FAM240B: variants seen among roughly 807,000 people sequenced by gnomAD.
The protein encoded by FAM240B is protein FAM240B.
intron 1 of FAM240B, among the ~76,000 whole-genome samples, chr9:38,711,683 A>C (rs1419794717): frequency 1.4e-4 from 17 of 120,064 alleles, no homozygotes; most frequent in East Asian, 4.7e-4. Context: ...TTTTGACAGC[A>C]TCTCCCTCTG....
chr9:38,717,618 C>G (rs1267702522), intron 1 of FAM240B, among the ~76,000 whole-genome samples: 1 of 152,016 alleles, frequency 6.6e-6, no homozygotes, highest in African/African-American at 2.4e-5. Flanking sequence ...GTAGCTGGGA[C>G]TACAGGCGCC....
At position 38,694,681 on chromosome 9, in the gene FAM240B, T is replaced by C; in HGVS notation, c.*95A>G. 1 of 397,726 alleles carries C rather than the reference T, an allele frequency of 2.5e-6. No individual in the cohort carries two copies. Among genetic ancestry groups the C allele is most frequent in the Non-Finnish European group, 4.4e-6 (1 of 225,690 alleles). 24.6% of individuals were successfully genotyped at this position (397,726 alleles called of 1,614,324 possible). On this transcript the variant is annotated 3_prime_UTR_variant, in exon 3 of 3. Transcript: ENST00000637493. ...CAAATGGAAGCACAAATAGAGAGCG[T>C]CCTGTTTAGTAAATCAGCACAACTT...
chr9:38,702,476 A>G (rs62539028), intron 2 of FAM240B, among the ~76,000 whole-genome samples: 8,373 of 152,322 alleles, frequency 0.055, 319 homozygotes, highest in Non-Finnish European at 0.086. Flanking sequence ...ACCTGTGAGC[A>G]GACGTCCCAG....
chr9:38,708,341 A>G (rs2119008275), intron 1 of FAM240B, among the ~76,000 whole-genome samples: 1 of 152,250 alleles, frequency 6.6e-6, no homozygotes, highest in Middle Eastern at 3.4e-3. Context: ...GCACCCAAGC[A>G]TGCAGATACC....
rs1406658687 is a variant in FAM240B at position 38,703,941 on chromosome 9, T to C, written c.59A>G (p.Lys20Arg). The change falls in exon 2 of 3, where the codon AAA becomes AGA. Residue 20 changes from lysine to arginine, a missense_variant. Coordinates refer to ENST00000637493, the MANE Select transcript of FAM240B (RefSeq NM_001394922.1). ...VFCCGTCHEL[K>R]SFWEKEISKQ... ...GCTAATTTCTTTTTCCCAGAAGCTTTTGAGCTCATGACAAGTTCCACAGCA... is the reference window on the plus strand; with the variant it reads ...GCTAATTTCTTTTTCCCAGAAGCTTCTGAGCTCATGACAAGTTCCACAGCA... 5 of 400,468 alleles carry C rather than the reference T, an allele frequency of 1.2e-5. No homozygotes were observed. The highest frequency in any genetic ancestry group is 4.4e-5 in the Admixed American group (1 of 22,706). 24.8% of individuals were successfully genotyped at this position (400,468 alleles called of 1,614,324 possible).
At chr9:38,711,665 T>TCG (rs1281537781) in intron 1 of FAM240B, among the ~76,000 whole-genome samples, 236 of 147,370 alleles carry the variant, frequency 1.6e-3, no homozygotes, top group Non-Finnish European at 3.1e-3. Context: ...TCTTCTTTTT[T>TCG]TTTTTTTTTT....
intron 1 of FAM240B, among the ~76,000 whole-genome samples, chr9:38,707,215 GCTC>G (rs1400606008): frequency 1.3e-5 from 2 of 152,090 alleles, no homozygotes; most frequent in Non-Finnish European, 2.9e-5. Flanking sequence ...TCATTGAAAT[GCTC>G]TTCTTTTCTC....
intron 1 of FAM240B, among the ~76,000 whole-genome samples, chr9:38,716,732 G>C (rs1201948482): frequency 6.6e-6 from 1 of 152,158 alleles, no homozygotes; most frequent in Non-Finnish European, 1.5e-5. Flanking sequence ...TGGCTATTTG[G>C]CCTTCACTAA....
chr9:38,716,373 G>A (rs1348989554), intron 1 of FAM240B, among the ~76,000 whole-genome samples: 1 of 152,232 alleles, frequency 6.6e-6, no homozygotes, highest in Non-Finnish European at 1.5e-5. Flanking sequence ...TCGGGAGGCT[G>A]AGGCAGGAGA....
rs148037892 is a variant in FAM240B, at chr9:38,714,309, T to C, written c.-4+5713A>G. ...ACAGTAATAATTATTGCAGGCAGAA[T>C]CCATTGATCAGTGGTAAAAATGAGT... On this transcript the variant is annotated intron_variant, in intron 1 of 2. Transcript: ENST00000637493. 2.5e-3 allele frequency among the ~76,000 whole-genome samples: 380 copies of C among 152,310 alleles called. 1 individual carries two copies. The highest frequency in any genetic ancestry group is 8.8e-3 in the African/African-American group (367 of 41,566).
chr9:38,706,011 G>A (rs565479451), intron 1 of FAM240B, among the ~76,000 whole-genome samples: 1 of 152,294 alleles, frequency 6.6e-6, no homozygotes, highest in South Asian at 2.1e-4. Flanking sequence ...ATTTTCCTCA[G>A]TGCCAGCTGC....
intron 2 of FAM240B, among the ~76,000 whole-genome samples, chr9:38,702,962 C>T (rs1198458092): frequency 1.3e-5 from 2 of 152,134 alleles, no homozygotes; most frequent in African/African-American, 4.8e-5. Flanking sequence ...ATCTGTAAGT[C>T]ATTGGTTCTC....
intron 1 of FAM240B, 144 bp from the exon 2 acceptor site, chr9:38,704,146 CA>C: frequency 2.6e-6 from 1 of 391,494 alleles, no homozygotes; most frequent in Non-Finnish European, 4.5e-6. Flanking sequence ...ACACATCACA[CA>C]CTTGTATTCT....
intron 2 of FAM240B, among the ~76,000 whole-genome samples, chr9:38,699,736 C>T (rs62539020): frequency 0.055 from 8,386 of 152,300 alleles, 325 homozygotes; most frequent in Non-Finnish European, 0.086. Context: ...GCTCCCAAAG[C>T]AAATGATCCT....
rs1290341975 is a variant in FAM240B at position 38,717,693 on chromosome 9, A to G, written c.-4+2329T>C. Among the ~76,000 whole-genome samples the G allele has an allele frequency of 5.3e-5, 8 of 151,824 alleles. 1 individual carries two copies. In the East Asian group the frequency reaches 6.0e-4, roughly 11 times the overall value. On this transcript the variant is annotated intron_variant, in intron 1 of 2. Transcript: ENST00000637493. Reference sequence around the variant, plus strand: ...GAGACGGGGTTTCACCGTGTTAGCCAGGATGGTCTCAATATCCTGACCTCG... The same window carrying G: ...GAGACGGGGTTTCACCGTGTTAGCCGGGATGGTCTCAATATCCTGACCTCG...
In FAM240B at chr9:38,694,794, C is replaced by T. The variant is rs906267892; in HGVS notation, c.219G>A (p.Pro73=). The change falls in exon 3 of 3, where the codon CCG becomes CCA. Residue 73 remains proline (P), a synonymous_variant. Coordinates refer to ENST00000637493, the MANE Select transcript of FAM240B (RefSeq NM_001394922.1). ...MLDNPVEKEK[P]AHTAD The stretch of plus-strand genomic sequence containing the variant: ...GCAGAGCTCAGTCCGCGGTGTGTGC[C>T]GGCTTTTCCTTCTCAACAGGGTTGT... 3.3e-5 allele frequency: 13 copies of T among 398,442 alleles called. No homozygotes were observed. The highest frequency in any genetic ancestry group is 4.4e-5 in the Admixed American group (1 of 22,714). 24.7% of individuals were successfully genotyped at this position (398,442 alleles called of 1,614,324 possible). A position where few individuals can be genotyped will look rare whatever the true frequency, so the allele number is the denominator to read the frequency against.
chr9:38,707,399 GCA>G (rs1821202502), intron 1 of FAM240B, among the ~76,000 whole-genome samples: 1 of 152,058 alleles, frequency 6.6e-6, no homozygotes, highest in Non-Finnish European at 1.5e-5. Context: ...TACTGTAGCT[GCA>G]CAGTCATGAA....
At chr9:38,704,655 A>G (rs1179804446) in intron 1 of FAM240B, among the ~76,000 whole-genome samples, 3 of 152,188 alleles carry the variant, frequency 2.0e-5, no homozygotes, top group Non-Finnish European at 4.4e-5. Flanking sequence ...CTCATGCATG[A>G]CAAATGGCCA....
At chr9:38,710,273 T>C (rs1237578826) in intron 1 of FAM240B, among the ~76,000 whole-genome samples, 8 of 152,172 alleles carry the variant, frequency 5.3e-5, no homozygotes. Flanking sequence ...TCGGCCTTGA[T>C]GTCTTTTAAA....
Sources: gnomAD v4.1 joint callset for allele counts (sites outside exome capture counted in the v4.1 genomes callset) on GRCh38, gnomAD v4.1.1 for gene constraint, MANE v1.5 for transcripts, NCBI Gene and HGNC (gene_info 2026-07-23, HGNC 2026-07-21) for gene names.